Variants in FKBP9 observed in about 807,000 individuals in gnomAD.
FKBP9 encodes the protein FKBP prolyl isomerase 9.
A neutral mutation model predicts 55.6 loss-of-function variants in FKBP9; 27 were observed. That is an observed-to-expected ratio of 0.49 (90% CI 0.36 to 0.67). The LOEUF (loss-of-function observed/expected upper bound fraction) is 0.67, where lower values mean the gene tolerates loss of function less well. Ranked by LOEUF, FKBP9 falls within the 30% of genes least tolerant of loss-of-function variation. The probability of loss-of-function intolerance (pLI) is 0.00; values close to 1 mark genes in which losing one functional copy is unlikely to be tolerated. For missense variants in FKBP9, 539 were observed against 742.8 expected (o/e 0.73, Z 3.19); for synonymous variants, 267 against 296.5 (o/e 0.90, Z 1.02).
At position 33,000,002 on chromosome 7, in the gene FKBP9, G is replaced by A. The variant is rs569030731; in HGVS notation, c.1227-113G>A. On this transcript the variant is annotated intron_variant, in intron 7 of 9. Coordinates refer to ENST00000242209, the MANE Select transcript of FKBP9 (RefSeq NM_007270.5). ...TGATGTTTCCTCATGATTAGATAGG[G>A]ATTTGCATTTCTTTGGTAGAAATAT... 84 of 1,200,322 alleles carry A rather than the reference G, an allele frequency of 7.0e-5. 2 individuals carry two copies. In the South Asian group the frequency reaches 7.5e-4, roughly 11 times the overall value. 74.4% of individuals were successfully genotyped at this position (1,200,322 alleles called of 1,614,324 possible).
chr7:32,972,977 C>A (rs972346569), intron 1 of FKBP9, among the ~76,000 whole-genome samples: 1 of 152,194 alleles, frequency 6.6e-6, no homozygotes, highest in African/African-American at 2.4e-5. Context: ...CGTCCTTGGC[C>A]TCCCAAAGTG....
At chr7:32,965,808 A>AT (rs1412018789) in intron 1 of FKBP9, among the ~76,000 whole-genome samples, 1,862 of 26,692 alleles carry the variant, frequency 0.07, 23 homozygotes, top group Non-Finnish European at 0.11. Context: ...AAAAAAAAAA[A>AT]AAAAATATAT....
intron 1 of FKBP9, among the ~76,000 whole-genome samples, chr7:32,961,861 A>AT (rs1784031665): frequency 1.3e-5 from 2 of 152,098 alleles, no homozygotes; most frequent in South Asian, 2.1e-4. Context: ...TCACCCCTAG[A>AT]TGGGACCATC....
At chr7:32,964,559 C>A (rs1784094940) in intron 1 of FKBP9, among the ~76,000 whole-genome samples, 1 of 152,172 alleles carries the variant, frequency 6.6e-6, no homozygotes, top group African/African-American at 2.4e-5. Context: ...TGGAGGCGTT[C>A]TCTTTCATTT....
At position 33,005,249 on chromosome 7, in the gene FKBP9, T is replaced by C; in HGVS notation, c.1611T>C (p.Ile537=). ...KLAPGFDAEL[I]VKNMFTNQDR... Reference sequence around the variant, plus strand: ...CTCCTGGCTTTGATGCTGAGCTGATTGTGAAGAATATGTTCACCAACCAGG... The same window carrying C: ...CTCCTGGCTTTGATGCTGAGCTGATCGTGAAGAATATGTTCACCAACCAGG... The change falls in exon 10 of 10, where the codon ATT becomes ATC. Residue 537 remains isoleucine (I), a synonymous_variant. Coordinates refer to ENST00000242209, the MANE Select transcript of FKBP9 (RefSeq NM_007270.5). 1 of 1,614,226 alleles carries C rather than the reference T, an allele frequency of 6.2e-7. No individual in the cohort carries two copies. Among genetic ancestry groups the C allele is most frequent in the South Asian group, 1.1e-5 (1 of 91,082 alleles).
chr7:32,994,724 G>A (rs1162886249), intron 6 of FKBP9, among the ~76,000 whole-genome samples: 1 of 151,678 alleles, frequency 6.6e-6, no homozygotes, highest in East Asian at 1.9e-4. Flanking sequence ...ATTTTAATGA[G>A]AATTAAACAA....
intron 1 of FKBP9, among the ~76,000 whole-genome samples, chr7:32,960,766 C>T (rs1414557651): frequency 1.3e-5 from 2 of 152,200 alleles, no homozygotes; most frequent in Non-Finnish European, 2.9e-5. Flanking sequence ...GCTTCTTCCC[C>T]ATCCCTACCA....
At chr7:32,959,166 G>C (rs1290864035) in intron 1 of FKBP9, among the ~76,000 whole-genome samples, 1 of 152,124 alleles carries the variant, frequency 6.6e-6, no homozygotes, top group African/African-American at 2.4e-5. Context: ...AGCACTTTGG[G>C]AGGCCGAGGC....
intron 1 of FKBP9, among the ~76,000 whole-genome samples, chr7:32,974,134 G>C (rs10266757): frequency 0.046 from 6,930 of 151,442 alleles, 373 homozygotes; most frequent in East Asian, 0.19. Context: ...TTCCAAAGTA[G>C]CTGGGACTAT....
In FKBP9 at chr7:33,005,413, C is replaced by T. The variant is rs563063318; in HGVS notation, c.*62C>T. ...ACACCAAGCCACCTGTGTGGCAAGA[C>T]GTGCAGTGAGGGTGCAAGGGTCTCT... On this transcript the variant is annotated 3_prime_UTR_variant, in exon 10 of 10. Coordinates refer to ENST00000242209, the MANE Select transcript of FKBP9 (RefSeq NM_007270.5). The T allele has an allele frequency of 3.5e-5, 55 of 1,584,668 alleles. No individual in the cohort carries two copies. Among genetic ancestry groups the T allele is most frequent in the South Asian group, 8.0e-5 (7 of 87,486 alleles).
chr7:32,995,755 C>T (rs147099848), intron 6 of FKBP9, among the ~76,000 whole-genome samples: 7,654 of 152,128 alleles, frequency 0.05, 446 homozygotes, highest in African/African-American at 0.13. Context: ...TTTCACTCTA[C>T]GGCTGATTTT....
rs1214992043 is a variant in FKBP9, at chr7:33,005,527, T to G, written c.*176T>G. The G allele has an allele frequency of 1.5e-6, 1 of 670,872 alleles. No homozygotes were observed. 41.6% of individuals were successfully genotyped at this position (670,872 alleles called of 1,614,324 possible). A position where few individuals can be genotyped will look rare whatever the true frequency, so the allele number is the denominator to read the frequency against. On this transcript the variant is annotated 3_prime_UTR_variant, in exon 10 of 10. Transcript: ENST00000242209. ...GGGTTGATATATGGGGTGAGAAGTT[T>G]GGGCTGATCGCCAGTGATAGTAAAC...
At chr7:32,966,262 G>C (rs1281363099) in intron 1 of FKBP9, among the ~76,000 whole-genome samples, 2 of 149,986 alleles carry the variant, frequency 1.3e-5, no homozygotes, top group Non-Finnish European at 3.0e-5. Flanking sequence ...AATATAATGT[G>C]AGCTTTTGTG....
At chr7:32,992,954 T>C (rs148650106) in intron 6 of FKBP9, 4,643 of 231,048 alleles carry the variant, frequency 0.02, 194 homozygotes, top group African/African-American at 0.096. Context: ...CACCTGATGC[T>C]ACATGGTTCC....
chr7:32,987,524 G>C (rs573851589), intron 5 of FKBP9, among the ~76,000 whole-genome samples: 32 of 151,580 alleles, frequency 2.1e-4, no homozygotes, highest in Middle Eastern at 3.4e-3. Context: ...AAAGTAATTA[G>C]AAAATAAAAA....
At chr7:32,984,168 C>A (rs1350249583) in intron 5 of FKBP9, among the ~76,000 whole-genome samples, 1 of 151,150 alleles carries the variant, frequency 6.6e-6, no homozygotes, top group Non-Finnish European at 1.5e-5. Flanking sequence ...TTCCCTCAAG[C>A]CTTTTAATGG....
intron 1 of FKBP9, among the ~76,000 whole-genome samples, chr7:32,965,821 ATATATATATATATATATATATATGTGTG>A: frequency 7.1e-5 from 1 of 14,120 alleles, no homozygotes; most frequent in East Asian, 1.5e-3. Flanking sequence ...AAATATATAT[ATATATATATATATATATATATATGTGTG>A]TACAGATATA....
chr7:33,003,646 C>T (rs1392035252), intron 9 of FKBP9, among the ~76,000 whole-genome samples: 1 of 152,198 alleles, frequency 6.6e-6, no homozygotes, highest in Non-Finnish European at 1.5e-5. Flanking sequence ...AGCTCTTACG[C>T]TCCTCTTAAC....
At chr7:32,967,584 A>C (rs1254556394) in intron 1 of FKBP9, among the ~76,000 whole-genome samples, 1 of 152,202 alleles carries the variant, frequency 6.6e-6, no homozygotes. Flanking sequence ...AGGCGGAATA[A>C]TATTTCATTG....
Sources: gnomAD v4.1 joint callset for allele counts (sites outside exome capture counted in the v4.1 genomes callset) on GRCh38, gnomAD v4.1.1 for gene constraint, MANE v1.5 for transcripts, NCBI Gene and HGNC (gene_info 2026-07-23, HGNC 2026-07-21) for gene names.